Variants in HNRNPF observed in about 807,000 individuals in gnomAD.
The protein encoded by HNRNPF is HnRNP F protein.
A neutral mutation model predicts 26.0 loss-of-function variants in HNRNPF; 2 were observed. The ratio of observed to expected loss-of-function variants is 0.08; its 90% CI spans 0.03 to 0.24. HNRNPF has a LOEUF of 0.24. Ranked by LOEUF, HNRNPF falls within the 10% of genes least tolerant of loss-of-function variation. HNRNPF has a pLI of 1.00. For missense variants in HNRNPF, 299 were observed against 539.2 expected (o/e 0.55, Z 4.41); for synonymous variants, 234 against 211.5 (o/e 1.11, Z -0.92).
At chr10:43,389,933 C>T (rs948461731) in intron 3 of HNRNPF, among the ~76,000 whole-genome samples, 7 of 152,152 alleles carry the variant, frequency 4.6e-5, no homozygotes, top group African/African-American at 1.7e-4. Flanking sequence ...TAAAATAATC[C>T]TGAACGGCAA....
At chr10:43,392,376 TAAA>T (rs1332867327) in intron 3 of HNRNPF, among the ~76,000 whole-genome samples, 6 of 152,042 alleles carry the variant, frequency 3.9e-5, no homozygotes, top group Admixed American at 3.9e-4. Context: ...CCGTCTCTAC[TAAA>T]AATACAAAAA....
At chr10:43,406,293 C>T (rs1258899254) in intron 1 of HNRNPF, among the ~76,000 whole-genome samples, 1 of 152,146 alleles carries the variant, frequency 6.6e-6, no homozygotes, top group Non-Finnish European at 1.5e-5. Context: ...GTTCTGGCCA[C>T]GTGGGAGAAG....
At chr10:43,407,854 G>A (rs1158079505) in intron 1 of HNRNPF, 1 of 152,218 alleles carries the variant, frequency 6.6e-6, no homozygotes, top group African/African-American at 2.4e-5. Context: ...CTCCCCACAA[G>A]GAAGTCTTGT....
At position 43,385,626 on chromosome 10, in the gene HNRNPF, A is replaced by T. The variant is rs1460161558; in HGVS notation, c.*1011T>A. 6.6e-6 allele frequency: 1 copy of T among 152,228 alleles called. No individual in the cohort carries two copies. Among genetic ancestry groups the T allele is most frequent in the Non-Finnish European group, 1.5e-5 (1 of 68,048 alleles). 9.4% of individuals were successfully genotyped at this position (152,228 alleles called of 1,614,324 possible). ...GAGCGTGACCAAAAAAAAAAGTTTA[A>T]ATCAGCATTTTATAAAAACTAGAAA... On this transcript the variant is annotated 3_prime_UTR_variant, in exon 4 of 4. Coordinates refer to ENST00000682386, the MANE Select transcript of HNRNPF (RefSeq NM_001098204.2).
intron 3 of HNRNPF, among the ~76,000 whole-genome samples, chr10:43,393,897 A>G (rs1838355262): frequency 6.6e-6 from 1 of 152,090 alleles, no homozygotes; most frequent in Admixed American, 6.5e-5. Flanking sequence ...CTCTCCCCAA[A>G]TATACTCTGT....
rs1348193170 is a variant in HNRNPF, at chr10:43,386,513, T to A, written c.*124A>T. ...AAACACTGAAGAGGTAATTTTTTAA[T>A]CCAGATTTTTCACAAACTCATGGTG... On this transcript the variant is annotated 3_prime_UTR_variant, in exon 4 of 4. Coordinates refer to ENST00000682386, the MANE Select transcript of HNRNPF (RefSeq NM_001098204.2). 2 of 940,400 alleles carry A rather than the reference T, an allele frequency of 2.1e-6. No homozygotes were observed. The highest frequency in any genetic ancestry group is 3.1e-6 in the Non-Finnish European group (2 of 655,420). The allele number at this position is 940,400 out of a possible 1,614,324, so 58.3% of individuals were successfully genotyped here.
At chr10:43,389,950 G>A (rs934582564) in intron 3 of HNRNPF, among the ~76,000 whole-genome samples, 5 of 152,104 alleles carry the variant, frequency 3.3e-5, no homozygotes, top group Admixed American at 1.3e-4. Context: ...GCAAATGATT[G>A]GGCATAAATA....
intron 3 of HNRNPF, among the ~76,000 whole-genome samples, chr10:43,393,757 A>G (rs56059584): frequency 0.32 from 48,182 of 152,008 alleles, 9,653 homozygotes; most frequent in African/African-American, 0.58. Flanking sequence ...GGGGTCCCTC[A>G]GGCCTTGCAA....
At position 43,385,772 on chromosome 10, in the gene HNRNPF, A is replaced by T. The variant is rs966427836; in HGVS notation, c.*865T>A. The stretch of plus-strand genomic sequence containing the variant: ...TGAATGGTTTACAACAGTGCACATA[A>T]GTTGCAGGTGGCTGGGGCCGTGTGT... On this transcript the variant is annotated 3_prime_UTR_variant, in exon 4 of 4. Coordinates refer to ENST00000682386, the MANE Select transcript of HNRNPF (RefSeq NM_001098204.2). 1.3e-5 allele frequency: 2 copies of T among 152,240 alleles called. No homozygotes were observed. Among genetic ancestry groups the T allele is most frequent in the African/African-American group, 4.8e-5 (2 of 41,454 alleles). The allele number at this position is 152,240 out of a possible 1,614,324, so 9.4% of individuals were successfully genotyped here.
At position 43,386,547 on chromosome 10, in the gene HNRNPF, G is replaced by T; in HGVS notation, c.*90C>A. 1 of 1,239,106 alleles carries T rather than the reference G, an allele frequency of 8.1e-7. No individual in the cohort carries two copies. The highest frequency in any genetic ancestry group is 1.1e-6 in the Non-Finnish European group (1 of 920,778). 76.8% of individuals were successfully genotyped at this position (1,239,106 alleles called of 1,614,324 possible). A position where few individuals can be genotyped will look rare whatever the true frequency, so the allele number is the denominator to read the frequency against. On this transcript the variant is annotated 3_prime_UTR_variant, in exon 4 of 4. Transcript: ENST00000682386. ...TTCACAAACTCATGGTGCAAAATGG[G>T]TCCCCCAGCTTCCTCTATTATAACT...
At chr10:43,394,898 G>A (rs544011212) in intron 2 of HNRNPF, among the ~76,000 whole-genome samples, 9 of 151,790 alleles carry the variant, frequency 5.9e-5, no homozygotes, top group African/African-American at 2.2e-4. Flanking sequence ...AAAGGGAAAC[G>A]CCTTATTGAT....
rs556347447 is a variant in HNRNPF at position 43,403,884 on chromosome 10, A to G, written c.-247+5247T>C. Among the ~76,000 whole-genome samples, 167 of 152,014 alleles carry G rather than the reference A, an allele frequency of 1.1e-3. 1 individual carries two copies. The highest frequency in any genetic ancestry group is 3.4e-3 in the Middle Eastern group (1 of 294). ...GTGGCACACACCTGTAATCCCAGCT[A>G]CTTGGGGGGATGAGGCAGGATTGCC... On this transcript the variant is annotated intron_variant, in intron 1 of 3. Coordinates refer to ENST00000682386, the MANE Select transcript of HNRNPF (RefSeq NM_001098204.2).
intron 1 of HNRNPF, among the ~76,000 whole-genome samples, chr10:43,402,126 A>T (rs1249832954): frequency 1.4e-5 from 2 of 147,542 alleles, no homozygotes; most frequent in Non-Finnish European, 3.0e-5. Context: ...TACAAAACTT[A>T]AAAAAAAAAA....
intron 1 of HNRNPF, among the ~76,000 whole-genome samples, chr10:43,405,500 C>A (rs935308404): frequency 6.6e-5 from 10 of 151,842 alleles, no homozygotes; most frequent in African/African-American, 9.7e-5. Context: ...ACTAAAAATA[C>A]AAAAAATTAG....
intron 1 of HNRNPF, 77 bp downstream of exon 1, chr10:43,409,052 CAG>C (rs1839021787): frequency 6.6e-6 from 1 of 152,286 alleles, no homozygotes; most frequent in East Asian, 1.9e-4. Context: ...CACCAGGAAA[CAG>C]AAGCCCAAGG....
intron 3 of HNRNPF, 129 bp downstream of exon 3, chr10:43,394,501 G>A (rs1838381363): frequency 6.6e-6 from 1 of 152,194 alleles, no homozygotes; most frequent in South Asian, 2.1e-4. Flanking sequence ...GCTGAAAAGA[G>A]CCCTGTGGTG....
intron 3 of HNRNPF, among the ~76,000 whole-genome samples, chr10:43,393,859 C>T (rs1472744656): frequency 2.0e-5 from 3 of 152,190 alleles, no homozygotes; most frequent in Non-Finnish European, 2.9e-5. Context: ...AGGGATGTGA[C>T]GCACATAGTT....
chr10:43,390,415 G>C (rs538787711), intron 3 of HNRNPF, among the ~76,000 whole-genome samples: 1 of 152,070 alleles, frequency 6.6e-6, no homozygotes, highest in Non-Finnish European at 1.5e-5. Context: ...TCCGGGTAGG[G>C]GAGATGAAGC....
At chr10:43,394,033 T>A (rs1212643715) in intron 3 of HNRNPF, among the ~76,000 whole-genome samples, 1 of 152,202 alleles carries the variant, frequency 6.6e-6, no homozygotes, top group East Asian at 1.9e-4. Flanking sequence ...AGCACTCTTG[T>A]GTTGTTAAAG....
Sources: allele counts gnomAD v4.1 joint callset (sites outside exome capture counted in the v4.1 genomes callset), GRCh38; gene constraint gnomAD v4.1.1; transcripts MANE v1.5; gene names NCBI Gene and HGNC (gene_info 2026-07-23, HGNC 2026-07-21).